MOCS1: variants seen among roughly 807,000 people sequenced by gnomAD.
The protein encoded by MOCS1 is molybdenum cofactor synthesis 1.
In MOCS1, 39 loss-of-function variants were observed where a neutral mutation model predicts 57.6. The observed-to-expected ratio is 0.68, with a 90% confidence interval of 0.52 to 0.88. The LOEUF (loss-of-function observed/expected upper bound fraction) is 0.88. MOCS1 is among the 40% of genes least tolerant of loss of function. MOCS1 has a pLI of 0.00. For missense variants in MOCS1, 795 were observed against 831.1 expected (o/e 0.96, Z 0.53); for synonymous variants, 334 against 335.7 (o/e 1.00, Z 0.05).
intron 3 of MOCS1, among the ~76,000 whole-genome samples, chr6:39,919,043 A>T (rs1192401359): frequency 6.6e-6 from 1 of 152,164 alleles, no homozygotes; most frequent in Non-Finnish European, 1.5e-5. Context: ...GAGTTAGGGG[A>T]TGAATATGGG....
chr6:39,918,879 G>A (rs1438108172), intron 3 of MOCS1, among the ~76,000 whole-genome samples: 1 of 152,002 alleles, frequency 6.6e-6, no homozygotes, highest in East Asian at 1.9e-4. Flanking sequence ...AGAGCTGTTT[G>A]AAAAAGGAAA....
At chr6:39,910,772 C>T (rs920549372) in intron 8 of MOCS1, among the ~76,000 whole-genome samples, 4 of 152,180 alleles carry the variant, frequency 2.6e-5, no homozygotes, top group African/African-American at 9.7e-5. Flanking sequence ...TCCAGGTTCC[C>T]TTCTCTGCAA....
chr6:39,907,207 C>A, intron 10 of MOCS1, 90 bp from the exon 11 acceptor site: 1 of 1,338,726 alleles, frequency 7.5e-7, no homozygotes, highest in East Asian at 2.4e-5. Flanking sequence ...CCCTATCCCA[C>A]CTCAAGTTCT....
chr6:39,907,558 T>C, intron 10 of MOCS1, among the ~76,000 whole-genome samples: 1 of 152,218 alleles, frequency 6.6e-6, no homozygotes. Flanking sequence ...CATGAAGAGT[T>C]AATATAACCA....
intron 8 of MOCS1, among the ~76,000 whole-genome samples, chr6:39,910,475 T>C (rs1041021606): frequency 6.6e-6 from 1 of 152,224 alleles, no homozygotes; most frequent in African/African-American, 2.4e-5. Flanking sequence ...TGAGGGCTGC[T>C]GGGCATGACA....
chr6:39,909,724 C>T lies in MOCS1; in HGVS notation c.1102+111G>A. The T allele has an allele frequency of 6.1e-6, 9 of 1,474,796 alleles. 1 individual carries two copies. The South Asian group carries it at 9.2e-5, about 15-fold the overall frequency. 91.4% of individuals were successfully genotyped at this position (1,474,796 alleles called of 1,614,324 possible). On this transcript the variant is annotated intron_variant, in intron 9 of 10. Coordinates refer to ENST00000340692, the MANE Select transcript of MOCS1 (RefSeq NM_001358530.2). ...GTAGTGGGGATGATGCTGACTCTCG[C>T]CAGCTTCCCCCTAGGTGTTCCTTGG...
At chr6:39,930,454 T>C (rs1300903405) in intron 1 of MOCS1, among the ~76,000 whole-genome samples, 2 of 152,216 alleles carry the variant, frequency 1.3e-5, no homozygotes, top group Admixed American at 1.3e-4. Context: ...AGGATGTTGG[T>C]ACATTTTGAA....
intron 3 of MOCS1, among the ~76,000 whole-genome samples, chr6:39,923,212 C>G (rs544814124): frequency 1.3e-5 from 2 of 152,338 alleles, no homozygotes; most frequent in African/African-American, 4.8e-5. Flanking sequence ...GCGATCACCC[C>G]TTGCCCATCC....
At chr6:39,931,613 G>A (rs1350126878) in intron 1 of MOCS1, among the ~76,000 whole-genome samples, 2 of 152,006 alleles carry the variant, frequency 1.3e-5, no homozygotes, top group African/African-American at 4.8e-5. Context: ...GAGCTGGGCA[G>A]ATTGGAAGTC....
At chr6:39,926,206 C>A (rs2149420091) in intron 2 of MOCS1, among the ~76,000 whole-genome samples, 1 of 152,314 alleles carries the variant, frequency 6.6e-6, no homozygotes, top group South Asian at 2.1e-4. Flanking sequence ...GGCATTGTCA[C>A]CCATCCTCCT....
intron 6 of MOCS1, 150 bp from the exon 7 acceptor site, chr6:39,913,154 G>A (rs1411080653): frequency 1.2e-5 from 11 of 902,206 alleles, no homozygotes; most frequent in Middle Eastern, 2.3e-4. Context: ...AAAACTGGTG[G>A]ATTGAATCAC....
chr6:39,920,282 T>C (rs1767891715), intron 3 of MOCS1, among the ~76,000 whole-genome samples: 1 of 152,208 alleles, frequency 6.6e-6, no homozygotes, highest in African/African-American at 2.4e-5. Flanking sequence ...ATACTGAGTG[T>C]TGGGAGGTCA....
intron 4 of MOCS1, among the ~76,000 whole-genome samples, chr6:39,915,763 C>G (rs564079939): frequency 6.6e-6 from 1 of 152,198 alleles, no homozygotes; most frequent in Admixed American, 6.5e-5. Context: ...CCAACTCGGC[C>G]CAGTTTGCCA....
Position 39,912,880 on chromosome 6 carries a change from C to T in MOCS1, c.870+12G>A. The T allele has an allele frequency of 2.5e-6, 4 of 1,610,936 alleles. No homozygotes were observed. The highest frequency in any genetic ancestry group is 3.4e-6 in the Non-Finnish European group (4 of 1,177,076). On this transcript the variant is annotated intron_variant, in intron 7 of 10. Transcript: ENST00000340692. ...TCCTCCAGGCCTGCCCCACACCCTCCTGCTCCCTAACCTTGGCTGTGCTGG... is the reference window on the plus strand; with the variant it reads ...TCCTCCAGGCCTGCCCCACACCCTCTTGCTCCCTAACCTTGGCTGTGCTGG...
intron 6 of MOCS1, 128 bp downstream of exon 6, chr6:39,913,186 GCCA>G: frequency 1.1e-6 from 1 of 921,504 alleles, no homozygotes; most frequent in Non-Finnish European, 1.8e-6. Flanking sequence ...GCTCCGAGAA[GCCA>G]CCAACAGCCC....
At chr6:39,923,334 C>A (rs1324737063) in intron 3 of MOCS1, among the ~76,000 whole-genome samples, 2 of 152,220 alleles carry the variant, frequency 1.3e-5, no homozygotes, top group Admixed American at 6.5e-5. Context: ...GGAACCTGCA[C>A]AAGTTCACCC....
At chr6:39,933,645 C>CTA in intron 1 of MOCS1, among the ~76,000 whole-genome samples, 1 of 152,250 alleles carries the variant, frequency 6.6e-6, no homozygotes, top group African/African-American at 2.4e-5. Flanking sequence ...TTGAAACACT[C>CTA]TGAGGGGTGC....
intron 2 of MOCS1, 67 bp from the exon 3 acceptor site, chr6:39,925,912 C>T: frequency 6.7e-7 from 1 of 1,502,846 alleles, no homozygotes; most frequent in Non-Finnish European, 9.0e-7. Flanking sequence ...GTGATGCCTC[C>T]ACTCCCCAAC....
intron 3 of MOCS1, among the ~76,000 whole-genome samples, 169 bp downstream of exon 3, chr6:39,925,509 T>G (rs1464121612): frequency 6.6e-6 from 1 of 152,194 alleles, no homozygotes; most frequent in East Asian, 1.9e-4. Context: ...AAGCCTCATT[T>G]TCTCATCAAA....
Sources: allele counts gnomAD v4.1 joint callset (sites outside exome capture counted in the v4.1 genomes callset), GRCh38; gene constraint gnomAD v4.1.1; transcripts MANE v1.5; gene names NCBI Gene and HGNC (gene_info 2026-07-23, HGNC 2026-07-21).